The following SLC36A1 variants were observed in gnomAD, a reference collection of about 807,000 sequenced individuals.
SLC36A1 encodes solute carrier family 36 member 1, also known as proton-coupled amino acid transporter 1.
A neutral mutation model predicts 47.5 loss-of-function variants in SLC36A1; 30 were observed. The ratio of observed to expected loss-of-function variants is 0.63; its 90% CI spans 0.47 to 0.86. SLC36A1 has a LOEUF of 0.86. SLC36A1 is among the 40% of genes least tolerant of loss of function. The probability of loss-of-function intolerance (pLI) is 0.00; values close to 1 mark genes in which losing one functional copy is unlikely to be tolerated. For missense variants in SLC36A1, 517 were observed against 606.0 expected, an observed-to-expected ratio of 0.85 and a Z score of 1.54; for synonymous variants, 255 against 249.7, an observed-to-expected ratio of 1.02 and a Z score of -0.20.
At chr5:151,377,273 C>T in the SLC36A1 span, among the ~76,000 whole-genome samples, 1 of 151,066 alleles carries the variant, frequency 6.6e-6, no homozygotes, top group Non-Finnish European at 1.5e-5. Flanking sequence ...TGTTGATTTT[C>T]TGTCTCAGTG....
chr5:151,351,345 G>A, the SLC36A1 span, among the ~76,000 whole-genome samples: 2 of 151,508 alleles, frequency 1.3e-5, no homozygotes, highest in Non-Finnish European at 2.9e-5. Context: ...TCGCACCACT[G>A]CGCTCCAGCC....
At chr5:151,383,465 A>G in the SLC36A1 span, among the ~76,000 whole-genome samples, 4 of 152,206 alleles carry the variant, frequency 2.6e-5, no homozygotes, top group African/African-American at 9.7e-5. Context: ...AAAGATGGGC[A>G]AAATATATCA....
At chr5:151,476,424 C>T (rs1758056195) in intron 8 of SLC36A1, among the ~76,000 whole-genome samples, 166 bp from the exon 9 acceptor site, 1 of 152,232 alleles carries the variant, frequency 6.6e-6, no homozygotes, top group South Asian at 2.1e-4. Flanking sequence ...CCCTTCTAGT[C>T]CCAAGAGCAT....
At chr5:151,553,258 T>G in the SLC36A1 span, 1 of 1,614,282 alleles carries the variant, frequency 6.2e-7, no homozygotes, top group Non-Finnish European at 8.5e-7. Flanking sequence ...TCCGTCTCCA[T>G]GACCGTAAAG....
At chr5:151,545,317 C>A in the SLC36A1 span, 5 of 1,614,042 alleles carry the variant, frequency 3.1e-6, no homozygotes, top group Non-Finnish European at 4.2e-6. Flanking sequence ...GGTGAGCTTC[C>A]GAGAGAGTCC....
At chr5:151,427,300 T>G in the SLC36A1 span, among the ~76,000 whole-genome samples, 1 of 152,246 alleles carries the variant, frequency 6.6e-6, no homozygotes, top group African/African-American at 2.4e-5. Flanking sequence ...GGATACATTC[T>G]CAGAAGTGGA....
chr5:151,418,893 C>T, the SLC36A1 span, among the ~76,000 whole-genome samples: 1 of 152,122 alleles, frequency 6.6e-6, no homozygotes, highest in African/African-American at 2.4e-5. Flanking sequence ...ACCCTGTAGT[C>T]CCCATAATCA....
At chr5:151,421,893 T>C in the SLC36A1 span, among the ~76,000 whole-genome samples, 6 of 152,312 alleles carry the variant, frequency 3.9e-5, no homozygotes, top group South Asian at 1.2e-3. Context: ...CCCGGCTGTC[T>C]TGTAGAGTTT....
At chr5:151,514,270 T>C in the SLC36A1 span, among the ~76,000 whole-genome samples, 13 of 152,224 alleles carry the variant, frequency 8.5e-5, no homozygotes, top group Non-Finnish European at 1.8e-4. Flanking sequence ...AACATTGCAA[T>C]GAAATCATTT....
chr5:151,383,689 C>A, the SLC36A1 span, among the ~76,000 whole-genome samples: 1 of 151,638 alleles, frequency 6.6e-6, no homozygotes, highest in East Asian at 1.9e-4. Flanking sequence ...TCTCCTGCCT[C>A]AGCCTTCCAA....
Position 151,480,185 on chromosome 5 carries a change from C to A in SLC36A1, c.1159+696C>A, listed in dbSNP as rs529517780. 26 of 740,924 alleles carry A rather than the reference C, an allele frequency of 3.5e-5. No individual in the cohort carries two copies. The South Asian group carries it at 7.1e-4, about 20-fold the overall frequency. The allele number at this position is 740,924 out of a possible 1,614,324, so 45.9% of individuals were successfully genotyped here. Reference sequence around the variant, plus strand: ...TAGACTAGAGAACCCCTGAGCAAATCGGTTGATAATAGCTAATTTAAGTTT... The same window carrying A: ...TAGACTAGAGAACCCCTGAGCAAATAGGTTGATAATAGCTAATTTAAGTTT... On this transcript the variant is annotated intron_variant, in intron 10 of 10. Coordinates refer to ENST00000243389, the MANE Select transcript of SLC36A1 (RefSeq NM_078483.4).
the SLC36A1 span, among the ~76,000 whole-genome samples, chr5:151,497,425 A>G: frequency 6.6e-6 from 1 of 152,150 alleles, no homozygotes; most frequent in Non-Finnish European, 1.5e-5. Flanking sequence ...GGCCTTGCTT[A>G]CTTGGAATAA....
At chr5:151,502,322 A>T in the SLC36A1 span, among the ~76,000 whole-genome samples, 1 of 147,782 alleles carries the variant, frequency 6.8e-6, no homozygotes, top group South Asian at 2.1e-4. Context: ...AAAAAAAAAA[A>T]GTTAAAAACC....
rs200612963 is a variant in SLC36A1, at chr5:151,467,232, G to C, written c.453G>C (p.Gln151His). Residue 151 changes from glutamine (Q) to histidine (H), a missense_variant, in exon 6 of 11, where the codon CAG becomes CAC. By Grantham distance (24) the Gln-to-His change is conservative. Transcript: ENST00000243389. ...TGGACTTCTTCCTGATTGTCACCCA[G>C]CTGGGATTCTGCTGTGTCTATTTTG... is the stretch of plus-strand genomic sequence containing the variant. ...RVVDFFLIVT[Q>H]LGFCCVYFVF... 6.2e-7 allele frequency: 1 copy of C among 1,612,660 alleles called. No homozygotes were observed. Among genetic ancestry groups the C allele is most frequent in the Non-Finnish European group, 8.5e-7 (1 of 1,179,686 alleles).
At chr5:151,479,125 A>G (rs1486368323) in intron 9 of SLC36A1, among the ~76,000 whole-genome samples, 195 bp from the exon 10 acceptor site, 3 of 152,216 alleles carry the variant, frequency 2.0e-5, no homozygotes, top group African/African-American at 4.8e-5. Flanking sequence ...GATATTTTGA[A>G]TATAAGCTTT....
At chr5:151,361,833 T>A in the SLC36A1 span, among the ~76,000 whole-genome samples, 1 of 152,226 alleles carries the variant, frequency 6.6e-6, no homozygotes, top group African/African-American at 2.4e-5. Context: ...AAAATAGCAT[T>A]GCTGGAAGTA....
At chr5:151,465,695 C>G (rs1006992313) in intron 5 of SLC36A1, among the ~76,000 whole-genome samples, 3 of 152,172 alleles carry the variant, frequency 2.0e-5, no homozygotes, top group East Asian at 3.9e-4. Flanking sequence ...CCTCAGTGCT[C>G]AGAGAGAGAG....
chr5:151,367,270 C>T, the SLC36A1 span, among the ~76,000 whole-genome samples: 6,075 of 151,880 alleles, frequency 0.04, 411 homozygotes, highest in African/African-American at 0.14. Context: ...GAGGGTTCTG[C>T]GGGAGACCAG....
the SLC36A1 span, among the ~76,000 whole-genome samples, chr5:151,346,968 A>C: frequency 6.6e-6 from 1 of 152,164 alleles, no homozygotes; most frequent in Non-Finnish European, 1.5e-5. Context: ...CAATCTTAAC[A>C]TCGCTGGCCA....
Sources: allele counts gnomAD v4.1 joint callset (sites outside exome capture counted in the v4.1 genomes callset), GRCh38; gene constraint gnomAD v4.1.1; transcripts MANE v1.5; gene names NCBI Gene and HGNC (gene_info 2026-07-23, HGNC 2026-07-21).